KAT14: variants seen among roughly 807,000 people sequenced by gnomAD.
KAT14 encodes cysteine-rich protein 2-binding protein.
A neutral mutation model predicts 78.4 loss-of-function variants in KAT14; 66 were observed. That is an observed-to-expected ratio of 0.84 (90% CI 0.69 to 1.03). The LOEUF (loss-of-function observed/expected upper bound fraction) is 1.03. Among genes scored for constraint, KAT14 ranks in the 50% least tolerant of loss-of-function variants. The pLI is 0.00. For synonymous variants in KAT14, 344 were observed against 359.4 expected, an observed-to-expected ratio of 0.96 and a Z score of 0.48; for missense variants, 870 against 972.5, an observed-to-expected ratio of 0.89 and a Z score of 1.40.
At chr20:18,140,103 C>T (rs894071723) in intron 1 of KAT14, among the ~76,000 whole-genome samples, 1 of 151,846 alleles carries the variant, frequency 6.6e-6, no homozygotes, top group African/African-American at 2.4e-5. Context: ...CATAAGCACA[C>T]GTGACATCTC....
intron 3 of KAT14, among the ~76,000 whole-genome samples, chr20:18,147,667 C>T (rs976618377): frequency 1.3e-5 from 2 of 152,212 alleles, no homozygotes; most frequent in Admixed American, 6.5e-5. Flanking sequence ...TCACTGCAAC[C>T]TCCGCCTCCC....
intron 1 of KAT14, among the ~76,000 whole-genome samples, chr20:18,138,804 C>T (rs2037405863): frequency 6.6e-6 from 1 of 152,088 alleles, no homozygotes; most frequent in Non-Finnish European, 1.5e-5. Context: ...GTTGACAGAC[C>T]TTTAATGGGT....
At chr20:18,145,588 C>G (rs1386062140) in intron 3 of KAT14, among the ~76,000 whole-genome samples, 1 of 152,180 alleles carries the variant, frequency 6.6e-6, no homozygotes, top group Non-Finnish European at 1.5e-5. Flanking sequence ...CGAGACCAGC[C>G]TGGCCAACAT....
chr20:18,150,087 G>T (rs1300636173), intron 3 of KAT14, among the ~76,000 whole-genome samples: 1 of 152,158 alleles, frequency 6.6e-6, no homozygotes, highest in Admixed American at 6.6e-5. Context: ...CCCATTTGGG[G>T]CCATGAATTC....
At chr20:18,143,617 TTTTTTTTTTATTTTA>T (rs1460096778) in intron 2 of KAT14, among the ~76,000 whole-genome samples, 1 of 119,016 alleles carries the variant, frequency 8.4e-6, no homozygotes, top group Non-Finnish European at 1.8e-5. Flanking sequence ...CCTGGCTAAT[TTTTTTTTTTATTTTA>T]TTTTTTTTTT....
chr20:18,143,623 T>TA (rs11483059), intron 2 of KAT14, among the ~76,000 whole-genome samples: 24,626 of 139,676 alleles, frequency 0.18, 2,820 homozygotes, highest in Non-Finnish European at 0.2. Flanking sequence ...TAATTTTTTT[T>TA]TTTATTTTAT....
intron 5 of KAT14, among the ~76,000 whole-genome samples, chr20:18,161,046 T>C (rs2038401156): frequency 6.6e-6 from 1 of 151,984 alleles, no homozygotes; most frequent in Admixed American, 6.5e-5. Flanking sequence ...TGATGGCGCA[T>C]GCCTGTAATC....
At chr20:18,180,999 C>A (rs2039227480) in intron 7 of KAT14, among the ~76,000 whole-genome samples, 1 of 152,068 alleles carries the variant, frequency 6.6e-6, no homozygotes, top group African/African-American at 2.4e-5. Flanking sequence ...ACAGAGCAAT[C>A]ATATAATATG....
intron 1 of KAT14, among the ~76,000 whole-genome samples, chr20:18,138,959 T>G (rs574719588): frequency 1.3e-5 from 2 of 152,276 alleles, no homozygotes; most frequent in South Asian, 4.1e-4. Context: ...TGGCAGTGAT[T>G]GGGGTTGAAC....
Position 18,164,611 on chromosome 20 carries a change from C to CTTTTTTTTTT in KAT14, c.1668+1668_1668+1669insTTTTTTTTTT, listed in dbSNP as rs1568669495. 1.4e-4 allele frequency among the ~76,000 whole-genome samples: 6 copies of CTTTTTTTTTT among 42,492 alleles called. 3 individuals are homozygous for CTTTTTTTTTT. Among genetic ancestry groups the CTTTTTTTTTT allele is most frequent in the African/African-American group, 1.3e-4 (2 of 14,986 alleles). The allele number at this position is 42,492 out of a possible 152,430, so 27.9% of individuals were successfully genotyped here. On this transcript the variant is annotated intron_variant, in intron 7 of 10. Transcript: ENST00000688188. ...TTTGTTAGTCATCTATTCACTTGTT[C>CTTTTTTTTTT]TTGTTCTTTTTTTTTTTTTTTTTGA... is the stretch of plus-strand genomic sequence containing the variant.
At chr20:18,143,926 G>A (rs779366100) in intron 2 of KAT14, among the ~76,000 whole-genome samples, 4 of 152,156 alleles carry the variant, frequency 2.6e-5, no homozygotes, top group South Asian at 2.1e-4. Context: ...TACTGTGCTC[G>A]GCCCTGATCT....
intron 2 of KAT14, chr20:18,143,261 A>G (rs1877525544): frequency 1.3e-6 from 1 of 795,148 alleles, no homozygotes; most frequent in Non-Finnish European, 1.6e-6. Context: ...ATTCATGTTC[A>G]AGTTTATAAA....
chr20:18,153,544 T>A (rs966228839), intron 4 of KAT14, among the ~76,000 whole-genome samples: 11 of 152,206 alleles, frequency 7.2e-5, no homozygotes, highest in African/African-American at 2.7e-4. Context: ...AAAATTAGAT[T>A]TAGATTGCCT....
At chr20:18,141,325 T>C (rs2037568201) in intron 1 of KAT14, among the ~76,000 whole-genome samples, 1 of 152,182 alleles carries the variant, frequency 6.6e-6, no homozygotes. Context: ...CTAAGGTAAC[T>C]ACCATTGATG....
At position 18,185,089 on chromosome 20, in the gene KAT14, A is replaced by G. The variant is rs74644269; in HGVS notation, c.2172+297A>G. ...AAAAGCAAGAGCTTTAGGGTGGACT[A>G]TTCATATTAGTAGTAGCTACTGCTC... On this transcript the variant is annotated intron_variant, in intron 10 of 10. Coordinates refer to ENST00000688188, the MANE Select transcript of KAT14 (RefSeq NM_001392073.1). Among the ~76,000 whole-genome samples the G allele has an allele frequency of 5.6e-3, 852 of 152,340 alleles. 10 individuals carry two copies. Among genetic ancestry groups the G allele is most frequent in the African/African-American group, 0.019 (802 of 41,588 alleles).
rs539039447 is a variant in KAT14 at position 18,151,469 on chromosome 20, T to A, written c.500+527T>A. Among the ~76,000 whole-genome samples the A allele has an allele frequency of 4.6e-5, 7 of 151,678 alleles. No homozygotes were observed. The South Asian group carries it at 1.5e-3, about 32-fold the overall frequency. ...GCCTCGGCTTCCCAAAGTGCTTGGA[T>A]TACAGGCGTGAGCCACTGCGCCTGG... is the stretch of plus-strand genomic sequence containing the variant. On this transcript the variant is annotated intron_variant, in intron 4 of 10. Transcript: ENST00000688188.
At chr20:18,149,169 CTTAAA>C (rs1455321481) in intron 3 of KAT14, among the ~76,000 whole-genome samples, 2 of 152,132 alleles carry the variant, frequency 1.3e-5, no homozygotes, top group Non-Finnish European at 2.9e-5. Context: ...CTATGATTTT[CTTAAA>C]TTATTTATTG....
At position 18,142,544 on chromosome 20, in the gene KAT14, G is replaced by A; in HGVS notation, c.-117G>A. ...CTTATATCTGAATAAAGGAGTGTGG[G>A]CAGACACTTTTTGGAAGAGTCTGTC... On this transcript the variant is annotated 5_prime_UTR_variant, in exon 2 of 11. Coordinates refer to ENST00000688188, the MANE Select transcript of KAT14 (RefSeq NM_001392073.1). 6.6e-7 allele frequency: 1 copy of A among 1,506,402 alleles called. No individual in the cohort carries two copies. Among genetic ancestry groups the A allele is most frequent in the South Asian group, 1.3e-5 (1 of 74,854 alleles). The allele number at this position is 1,506,402 out of a possible 1,614,324, so 93.3% of individuals were successfully genotyped here. A position where few individuals can be genotyped will look rare whatever the true frequency, so the allele number is the denominator to read the frequency against.
At chr20:18,155,700 A>G (rs550262644) in intron 4 of KAT14, among the ~76,000 whole-genome samples, 1 of 152,376 alleles carries the variant, frequency 6.6e-6, no homozygotes, top group African/African-American at 2.4e-5. Context: ...ATACCACCTC[A>G]TGCCTCTTAG....
Sources: gnomAD v4.1 joint callset for allele counts (sites outside exome capture counted in the v4.1 genomes callset) on GRCh38, gnomAD v4.1.1 for gene constraint, MANE v1.5 for transcripts, NCBI Gene and HGNC (gene_info 2026-07-23, HGNC 2026-07-21) for gene names.